Variants in MYOM1 observed in about 807,000 individuals in gnomAD.
MYOM1 encodes the protein myomesin 1, also known as myomesin-1.
Under a neutral mutation model 205.3 loss-of-function variants are expected in MYOM1, and 164 were observed. That is an observed-to-expected ratio of 0.80 (90% confidence interval 0.70 to 0.91). The LOEUF (loss-of-function observed/expected upper bound fraction) is 0.91. Among genes scored for constraint, MYOM1 ranks in the 40% least tolerant of loss-of-function variants. MYOM1 has a pLI of 0.00. For synonymous variants in MYOM1, 772 were observed against 789.4 expected (o/e 0.98, Z 0.37); for missense variants, 2,011 against 2,127.3 (o/e 0.95, Z 1.08).
chr18:3,208,121 T>A (rs571582812), intron 2 of MYOM1, among the ~76,000 whole-genome samples: 2 of 152,354 alleles, frequency 1.3e-5, no homozygotes, highest in African/African-American at 2.4e-5. Context: ...TAGCTCTCTC[T>A]CCCTGTGTTT....
chr18:3,134,035 T>G (rs1236508104), intron 16 of MYOM1, among the ~76,000 whole-genome samples: 7 of 152,142 alleles, frequency 4.6e-5, no homozygotes, highest in African/African-American at 1.7e-4. Context: ...GATTTTTGTA[T>G]TTTTTGTAGA....
rs372844458 is a variant in MYOM1, at chr18:3,155,157, G to A, written c.1502-69C>T. The A allele has an allele frequency of 1.9e-5, 28 of 1,472,340 alleles. No homozygotes were observed. The South Asian group carries it at 2.2e-4, about 11-fold the overall frequency. 91.2% of individuals were successfully genotyped at this position (1,472,340 alleles called of 1,614,324 possible). A position where few individuals can be genotyped will look rare whatever the true frequency, so the allele number is the denominator to read the frequency against. ...TGTCAGTCGGCAGGCAGGTCTCAGC[G>A]CACACGCTTCTTACCACATCATCAC... On this transcript the variant is annotated intron_variant, in intron 10 of 37. Transcript: ENST00000356443.
At chr18:3,104,745 CTTTTTTTTT>C (rs745369627) in intron 22 of MYOM1, among the ~76,000 whole-genome samples, 8 of 80,602 alleles carry the variant, frequency 9.9e-5, no homozygotes, top group Admixed American at 8.0e-4. Context: ...GAATTGGAAT[CTTTTTTTTT>C]TTTTTTTTTT....
At chr18:3,158,688 C>T (rs748604798) in intron 10 of MYOM1, among the ~76,000 whole-genome samples, 3 of 151,952 alleles carry the variant, frequency 2.0e-5, no homozygotes, top group Non-Finnish European at 4.4e-5. Context: ...ATCATAGTTC[C>T]CGGTGGCTTT....
At chr18:3,136,935 AT>A (rs925139198) in intron 14 of MYOM1, among the ~76,000 whole-genome samples, 9 of 150,430 alleles carry the variant, frequency 6.0e-5, no homozygotes, top group Admixed American at 3.3e-4. Flanking sequence ...CAACTACAGT[AT>A]TTTTTTTCTT....
At chr18:3,120,794 C>T (rs530332497) in intron 19 of MYOM1, among the ~76,000 whole-genome samples, 4 of 152,226 alleles carry the variant, frequency 2.6e-5, no homozygotes, top group African/African-American at 9.6e-5. Context: ...ACTGAGTGAC[C>T]TAATATTTTC....
At position 3,216,635 on chromosome 18, in the gene MYOM1, AGAT is replaced by A. The variant is rs1239598423; in HGVS notation, c.-28-1387_-28-1385del. 3.3e-5 allele frequency among the ~76,000 whole-genome samples: 5 copies of A among 152,268 alleles called. No individual in the cohort carries two copies. In the Middle Eastern group the frequency reaches 0.01, roughly 311 times the overall value. On this transcript the variant is annotated intron_variant, in intron 1 of 37. Coordinates refer to ENST00000356443, the MANE Select transcript of MYOM1 (RefSeq NM_003803.4). Reference sequence around the variant, plus strand: ...GGTTCTGGGATGGGAGAGGTATAGGAGATGATGTCAAAGAGGTGAGCTATGTGC... The same window carrying A: ...GGTTCTGGGATGGGAGAGGTATAGGAGATGTCAAAGAGGTGAGCTATGTGC...
chr18:3,107,158 C>T (rs1182370127), intron 22 of MYOM1, among the ~76,000 whole-genome samples: 1 of 152,082 alleles, frequency 6.6e-6, no homozygotes, highest in African/African-American at 2.4e-5. Flanking sequence ...CACTCTGTTG[C>T]CCAGGCTGGA....
chr18:3,207,661 A>C (rs1184367882), intron 2 of MYOM1, among the ~76,000 whole-genome samples: 1 of 152,210 alleles, frequency 6.6e-6, no homozygotes, highest in Non-Finnish European at 1.5e-5. Context: ...CTCTCTGTGG[A>C]AGCTCAGTTA....
the MYOM1 span, among the ~76,000 whole-genome samples, chr18:3,240,205 C>T: frequency 0.12 from 18,037 of 152,184 alleles, 1,395 homozygotes; most frequent in East Asian, 0.33. Flanking sequence ...CTATGTTAGG[C>T]TATATACTTC....
chr18:3,169,540 C>T (rs189871239), intron 8 of MYOM1, among the ~76,000 whole-genome samples: 9 of 152,158 alleles, frequency 5.9e-5, no homozygotes, highest in African/African-American at 1.4e-4. Flanking sequence ...AATGGCCAAC[C>T]GGTATACGGA....
Position 3,215,005 on chromosome 18 carries a change from G to GGCCTGCTGCTGGGAGGAGGAGGCGGAC in MYOM1, c.192_218dup (p.Ala66_Ser74dup), listed in dbSNP as rs1567972535. Reference sequence around the variant, plus strand: ...CTTCAGAGCTCAGGGCGTGCTGCGAGGCCTGCTGCTGGGAGGAGGAGGCGG... The same window carrying GGCCTGCTGCTGGGAGGAGGAGGCGGAC: ...CTTCAGAGCTCAGGGCGTGCTGCGAGGCCTGCTGCTGGGAGGAGGAGGCGGACGCCTGCTGCTGGGAGGAGGAGGCGG... On this transcript the variant is annotated inframe_insertion, in exon 2 of 38. Coordinates refer to ENST00000356443, the MANE Select transcript of MYOM1 (RefSeq NM_003803.4). 1.9e-6 allele frequency: 3 copies of GGCCTGCTGCTGGGAGGAGGAGGCGGAC among 1,611,950 alleles called. No homozygotes were observed. The South Asian group carries it at 3.3e-5, about 18-fold the overall frequency.
intron 33 of MYOM1, among the ~76,000 whole-genome samples, chr18:3,083,453 G>A (rs2079112136): frequency 2.0e-5 from 2 of 100,756 alleles, no homozygotes; most frequent in Admixed American, 1.5e-4. Context: ...TTTTGAGACA[G>A]TGTCTCACTC....
chr18:3,104,438 A>G (rs1235894238), intron 22 of MYOM1, among the ~76,000 whole-genome samples: 1 of 152,198 alleles, frequency 6.6e-6, no homozygotes, highest in East Asian at 1.9e-4. Context: ...AATCATCCAT[A>G]TGCTTGTTGT....
At chr18:3,234,772 C>T in the MYOM1 span, among the ~76,000 whole-genome samples, 2 of 152,054 alleles carry the variant, frequency 1.3e-5, no homozygotes, top group Non-Finnish European at 2.9e-5. Flanking sequence ...TCCCTTTTAC[C>T]CTGCATGTTC....
chr18:3,214,452 G>T (rs1464455977), intron 2 of MYOM1, among the ~76,000 whole-genome samples: 1 of 152,232 alleles, frequency 6.6e-6, no homozygotes, highest in East Asian at 1.9e-4. Flanking sequence ...AGGGAAATAG[G>T]TAGGCACGGG....
the MYOM1 span, among the ~76,000 whole-genome samples, chr18:3,244,780 T>A: frequency 2.6e-5 from 4 of 151,002 alleles, no homozygotes; most frequent in Non-Finnish European, 4.4e-5. Context: ...ATGCCTGTAA[T>A]CCCAGCTACT....
intron 30 of MYOM1, 147 bp downstream of exon 30, chr18:3,085,891 G>A (rs1035616295): frequency 3.3e-5 from 18 of 552,354 alleles, no homozygotes; most frequent in African/African-American, 2.5e-4. Context: ...CACAAGGTTA[G>A]AGAAGCTTTT....
chr18:3,166,276 T>TA (rs55998331), intron 9 of MYOM1, among the ~76,000 whole-genome samples: 13,764 of 142,592 alleles, frequency 0.097, 1,465 homozygotes, highest in African/African-American at 0.26. Context: ...TTTTTTTTTT[T>TA]TTTTTTTTAT....
Sources: gnomAD v4.1 joint callset for allele counts (sites outside exome capture counted in the v4.1 genomes callset) on GRCh38, gnomAD v4.1.1 for gene constraint, MANE v1.5 for transcripts, NCBI Gene and HGNC (gene_info 2026-07-23, HGNC 2026-07-21) for gene names.